The following RALYL variants were observed in gnomAD, a reference collection of about 807,000 sequenced individuals.
RALYL encodes the protein RALY RNA binding protein like, also known as RNA-binding Raly-like protein.
Under a neutral mutation model 35.1 loss-of-function variants are expected in RALYL, and 29 were observed. The observed-to-expected ratio is 0.83, with a 90% confidence interval of 0.61 to 1.13. The LOEUF is 1.13. Among genes scored for constraint, RALYL ranks in the 50% most tolerant of loss-of-function variants. The pLI, the probability that RALYL is intolerant of heterozygous loss-of-function variation, is 0.00. For synonymous variants in RALYL, 120 were observed against 127.6 expected, an observed-to-expected ratio of 0.94 and a Z score of 0.40; for missense variants, 359 against 360.4, an observed-to-expected ratio of 1.00 and a Z score of 0.03.
chr8:84,184,354 A>AT lies in RALYL; in HGVS notation c.-94_-93insT, dbSNP rs1249304986. The AT allele has an allele frequency of 6.6e-6, 1 of 151,940 alleles. No individual in the cohort carries two copies. Among genetic ancestry groups the AT allele is most frequent in the Non-Finnish European group, 1.5e-5 (1 of 67,924 alleles). The allele number at this position is 151,940 out of a possible 1,614,324, so 9.4% of individuals were successfully genotyped here. ...GTGGAAGGTTTTTCTGGAAAAAAAA[A>AT]AATGAAGTGCGGTTTGGTTTCCTTG... is the stretch of plus-strand genomic sequence containing the variant. On this transcript the variant is annotated 5_prime_UTR_variant, in exon 1 of 9. It introduces an in-frame stop codon into an upstream open reading frame of the 5' UTR. Coordinates refer to ENST00000521268, the MANE Select transcript of RALYL (RefSeq NM_173848.7).
chr8:84,377,321 T>C (rs1857090369), intron 1 of RALYL, among the ~76,000 whole-genome samples: 1 of 151,650 alleles, frequency 6.6e-6, no homozygotes, highest in South Asian at 2.1e-4. Flanking sequence ...CAAAATATCA[T>C]GTGGGCTAAA....
chr8:84,198,317 T>C (rs1586102965), intron 1 of RALYL, among the ~76,000 whole-genome samples: 1 of 152,228 alleles, frequency 6.6e-6, no homozygotes, highest in Non-Finnish European at 1.5e-5. Flanking sequence ...TTTAATTTTA[T>C]TCTCACTGCT....
intron 2 of RALYL, among the ~76,000 whole-genome samples, chr8:84,621,074 C>G (rs958511402): frequency 1.3e-5 from 2 of 152,170 alleles, no homozygotes; most frequent in African/African-American, 2.4e-5. Flanking sequence ...AGAGGTGGAG[C>G]CTACAGAGGC....
intron 1 of RALYL, among the ~76,000 whole-genome samples, chr8:84,337,966 C>T (rs1848122252): frequency 6.6e-6 from 1 of 151,918 alleles, no homozygotes; most frequent in South Asian, 2.1e-4. Context: ...ATACACTATC[C>T]ATTCATAATT....
At chr8:84,381,736 C>T (rs1236564378) in intron 1 of RALYL, among the ~76,000 whole-genome samples, 2 of 151,658 alleles carry the variant, frequency 1.3e-5, no homozygotes, top group South Asian at 2.1e-4. Context: ...CTGTTTTTGT[C>T]CCTCATCAAA....
intron 2 of RALYL, among the ~76,000 whole-genome samples, chr8:84,714,344 G>T (rs992933733): frequency 1.3e-5 from 2 of 151,768 alleles, no homozygotes; most frequent in Non-Finnish European, 2.9e-5. Context: ...GTGCAACATG[G>T]TGACTACAGT....
At chr8:84,556,302 G>C (rs2061114279) in intron 2 of RALYL, among the ~76,000 whole-genome samples, 1 of 152,104 alleles carries the variant, frequency 6.6e-6, no homozygotes, top group African/African-American at 2.4e-5. Flanking sequence ...AGATACTCAA[G>C]AGTTTTACAT....
chr8:84,801,904 G>A (rs1823380494), intron 3 of RALYL, among the ~76,000 whole-genome samples: 1 of 152,160 alleles, frequency 6.6e-6, no homozygotes, highest in African/African-American at 2.4e-5. Context: ...AAATGGTGAT[G>A]TAGAGAAGGA....
At position 84,207,706 on chromosome 8, in the gene RALYL, G is replaced by A. The variant is rs991246913; in HGVS notation, c.-24+23282G>A. Among the ~76,000 whole-genome samples the A allele has an allele frequency of 3.9e-5, 6 of 151,936 alleles. No homozygotes were observed. The East Asian group carries it at 1.2e-3, about 29-fold the overall frequency. ...ATACTTGAAATTTGCTAAGACAGCA[G>A]GTCTTAAATATATTCACCAACCCCC... is the stretch of plus-strand genomic sequence containing the variant. On this transcript the variant is annotated intron_variant, in intron 1 of 8. Transcript: ENST00000521268.
chr8:84,613,165 G>T (rs1034891434), intron 2 of RALYL, among the ~76,000 whole-genome samples: 2 of 151,606 alleles, frequency 1.3e-5, no homozygotes, highest in Non-Finnish European at 2.9e-5. Flanking sequence ...GCAGAGTTAT[G>T]CTTGTCTTAT....
chr8:84,649,408 T>G (rs974993567), intron 2 of RALYL, among the ~76,000 whole-genome samples: 1 of 151,760 alleles, frequency 6.6e-6, no homozygotes, highest in South Asian at 2.1e-4. Context: ...GTTTTTATGG[T>G]TTTAGGTCTA....
At chr8:84,460,903 GA>G (rs913833527) in intron 1 of RALYL, among the ~76,000 whole-genome samples, 2 of 151,318 alleles carry the variant, frequency 1.3e-5, no homozygotes, top group African/African-American at 2.4e-5. Context: ...GGGCAGGGAA[GA>G]AAAAAATTAC....
intron 3 of RALYL, among the ~76,000 whole-genome samples, chr8:84,803,364 G>A (rs920385441): frequency 6.6e-6 from 1 of 152,092 alleles, no homozygotes; most frequent in Non-Finnish European, 1.5e-5. Context: ...ACTTGGCACT[G>A]GTCATGTCTT....
At chr8:84,521,741 C>T (rs541624102) in intron 1 of RALYL, among the ~76,000 whole-genome samples, 5 of 152,038 alleles carry the variant, frequency 3.3e-5, no homozygotes, top group Non-Finnish European at 5.9e-5. Context: ...ATTGACTTAC[C>T]AATATCCATT....
At chr8:84,291,575 A>C (rs555459119) in intron 1 of RALYL, among the ~76,000 whole-genome samples, 2 of 152,272 alleles carry the variant, frequency 1.3e-5, no homozygotes, top group East Asian at 3.9e-4. Context: ...CCAACATATT[A>C]ATGACTGGTG....
intron 2 of RALYL, among the ~76,000 whole-genome samples, chr8:84,735,089 G>A (rs1471962896): frequency 6.6e-6 from 1 of 151,018 alleles, no homozygotes; most frequent in Non-Finnish European, 1.5e-5. Context: ...CAAATGGTCA[G>A]AAGCACAGTT....
chr8:84,377,259 G>C (rs1266801162), intron 1 of RALYL, among the ~76,000 whole-genome samples: 1 of 151,606 alleles, frequency 6.6e-6, no homozygotes, highest in East Asian at 1.9e-4. Context: ...AGGTAAGTTT[G>C]GAACACACTG....
intron 1 of RALYL, among the ~76,000 whole-genome samples, chr8:84,399,285 G>A (rs1023551418): frequency 3.3e-5 from 5 of 152,146 alleles, no homozygotes; most frequent in Non-Finnish European, 7.4e-5. Context: ...ATGAGTCTTA[G>A]AAATAGTTTC....
chr8:84,362,323 A>G (rs1853216245), intron 1 of RALYL, among the ~76,000 whole-genome samples: 1 of 152,146 alleles, frequency 6.6e-6, no homozygotes, highest in Non-Finnish European at 1.5e-5. Flanking sequence ...GATTGAAGTG[A>G]ATTGAAGAGA....
Sources: allele counts gnomAD v4.1 joint callset (sites outside exome capture counted in the v4.1 genomes callset), GRCh38; gene constraint gnomAD v4.1.1; transcripts MANE v1.5; gene names NCBI Gene and HGNC (gene_info 2026-07-23, HGNC 2026-07-21).